The following ERBB3 variants were observed in gnomAD, a reference collection of about 807,000 sequenced individuals.
ERBB3 encodes receptor tyrosine-protein kinase erbB-3.
A neutral mutation model predicts 156.7 loss-of-function variants in ERBB3; 96 were observed. That is an observed-to-expected ratio of 0.61 (90% CI 0.52 to 0.73). The LOEUF (loss-of-function observed/expected upper bound fraction) is 0.73, where lower values mean the gene tolerates loss of function less well. Ranked by LOEUF, ERBB3 falls within the 30% of genes least tolerant of loss-of-function variation. ERBB3 has a pLI of 0.00. For synonymous variants in ERBB3, 567 were observed against 632.0 expected (o/e 0.90, Z 1.54); for missense variants, 1,406 against 1,709.4 (o/e 0.82, Z 3.13).
chr12:56,090,589 A>G (rs1363272305), intron 9 of ERBB3, among the ~76,000 whole-genome samples: 1 of 152,040 alleles, frequency 6.6e-6, no homozygotes, highest in African/African-American at 2.4e-5. Context: ...GGTTGCAGTG[A>G]GCCGAGATCG....
intron 3 of ERBB3, chr12:56,085,411 C>G: frequency 1.4e-6 from 2 of 1,435,460 alleles, no homozygotes; most frequent in Non-Finnish European, 1.8e-6. Context: ...GGGCTGGAGT[C>G]AGAGCTGGAT....
chr12:56,094,697 A>T, intron 15 of ERBB3, 141 bp downstream of exon 15: 1 of 1,008,118 alleles, frequency 9.9e-7, no homozygotes, highest in Non-Finnish European at 1.5e-6. Context: ...CACACCTGTA[A>T]TCCCAGCACT....
Position 56,101,917 on chromosome 12 carries a change from G to A in ERBB3, c.3891G>A (p.Gly1297=), listed in dbSNP as rs764254944. 4.3e-6 allele frequency: 7 copies of A among 1,613,258 alleles called. No individual in the cohort carries two copies. In the African/African-American group the frequency reaches 5.3e-5, roughly 12 times the overall value. The change falls in exon 28 of 28, where the codon GGG becomes GGA. Residue 1297 remains glycine, a synonymous_variant. Transcript: ENST00000267101. ...QGYEEMRAFQ[G]PGHQAPHVHY... is the part of the protein sequence containing the mutation. ...ATGAAGAGATGAGAGCTTTTCAGGGGCCTGGACATCAGGCCCCCCATGTCC... is the reference window on the plus strand; with the variant it reads ...ATGAAGAGATGAGAGCTTTTCAGGGACCTGGACATCAGGCCCCCCATGTCC...
chr12:56,082,954 G>C (rs1196587385), intron 1 of ERBB3, among the ~76,000 whole-genome samples: 2 of 152,232 alleles, frequency 1.3e-5, no homozygotes, highest in Non-Finnish European at 2.9e-5. Flanking sequence ...AAGTGATGCT[G>C]AGGTTGCTAG....
Position 56,099,634 on chromosome 12 carries a change from C to T in ERBB3, c.2840-14C>T. On this transcript the variant is annotated splice_polypyrimidine_tract_variant and intron_variant, in intron 23 of 27. Transcript: ENST00000267101. ...TTCTCTTTTATGTCTCTACCTCCTA[C>T]ATCTTATCTCCAGGTTGGATGATTG... is the stretch of plus-strand genomic sequence containing the variant. The T allele has an allele frequency of 1.2e-6, 2 of 1,607,296 alleles. No individual in the cohort carries two copies. Among genetic ancestry groups the T allele is most frequent in the Non-Finnish European group, 1.7e-6 (2 of 1,174,162 alleles).
chr12:56,087,136 C>CAA (rs33927060), intron 4 of ERBB3, among the ~76,000 whole-genome samples: 10,685 of 125,268 alleles, frequency 0.085, 506 homozygotes, highest in Middle Eastern at 0.12. Context: ...GACCCTGTCT[C>CAA]AAAAAAAAAA....
At chr12:56,095,565 C>T (rs1372300382) in intron 16 of ERBB3, 100 bp from the exon 17 acceptor site, 13 of 1,400,032 alleles carry the variant, frequency 9.3e-6, no homozygotes, top group African/African-American at 1.4e-5. Flanking sequence ...ATGTTAATTT[C>T]TTGCCCCAGG....
chr12:56,101,688 G>C lies in ERBB3; in HGVS notation c.3662G>C (p.Gly1221Ala). 2.5e-6 allele frequency: 4 copies of C among 1,613,998 alleles called. No homozygotes were observed. Among genetic ancestry groups the C allele is most frequent in the Non-Finnish European group, 3.4e-6 (4 of 1,180,008 alleles). The change falls in exon 28 of 28, where the codon GGT becomes GCT. Residue 1221 changes from glycine (G) to alanine (A), a missense_variant. Physicochemically the swap from Gly to Ala is moderately conservative, Grantham distance 60. Coordinates refer to ENST00000267101, the MANE Select transcript of ERBB3 (RefSeq NM_001982.4). ...PPRPSSLEEL[G>A]YEYMDVGSDL... ...AGGCCAAGTTCCCTTGAGGAGCTGGGTTATGAGTACATGGATGTGGGGTCA... is the reference window on the plus strand; with the variant it reads ...AGGCCAAGTTCCCTTGAGGAGCTGGCTTATGAGTACATGGATGTGGGGTCA...
intron 3 of ERBB3, chr12:56,085,406 G>A: frequency 1.4e-6 from 2 of 1,437,902 alleles, no homozygotes; most frequent in Non-Finnish European, 1.8e-6. Context: ...TTGTGGGGCT[G>A]GAGTCAGAGC....
At chr12:56,080,637 G>T (rs1445281361) in intron 1 of ERBB3, among the ~76,000 whole-genome samples, 1 of 152,224 alleles carries the variant, frequency 6.6e-6, no homozygotes, top group African/African-American at 2.4e-5. Flanking sequence ...CCCAGAAGAG[G>T]CTGAGGCCGA....
At chr12:56,095,542 G>GAT (rs1868862067) in intron 16 of ERBB3, 123 bp from the exon 17 acceptor site, 7 of 1,219,824 alleles carry the variant, frequency 5.7e-6, no homozygotes, top group Non-Finnish European at 3.6e-6. Context: ...AGTGCTTAAG[G>GAT]ATATATATGT....
At chr12:56,098,051 G>A in intron 21 of ERBB3, 111 bp downstream of exon 21, 1 of 1,078,390 alleles carries the variant, frequency 9.3e-7, no homozygotes, top group African/African-American at 1.6e-5. Context: ...AGTTCAAGGA[G>A]AGAAGGCTGC....
intron 23 of ERBB3, 61 bp from the exon 24 acceptor site, chr12:56,099,587 C>A: frequency 6.9e-7 from 1 of 1,447,288 alleles, no homozygotes; most frequent in Non-Finnish European, 9.7e-7. Flanking sequence ...GTGTGAGCCA[C>A]CGCGCCCGGC....
rs1869114218 is a variant in ERBB3, at chr12:56,101,741, C to G, written c.3715C>G (p.Gln1239Glu). 1 of 1,613,712 alleles carries G rather than the reference C, an allele frequency of 6.2e-7. No individual in the cohort carries two copies. Among genetic ancestry groups the G allele is most frequent in the Non-Finnish European group, 8.5e-7 (1 of 1,179,942 alleles). ...SDLSASLGST[Q>E]SCPLHPVPIM... Reference sequence around the variant, plus strand: ...CCTCAGTGCCTCTCTGGGCAGCACACAGAGTTGCCCACTCCACCCTGTACC... The same window carrying G: ...CCTCAGTGCCTCTCTGGGCAGCACAGAGAGTTGCCCACTCCACCCTGTACC... Residue 1239 changes from glutamine (Q) to glutamate (E), a missense_variant, in exon 28 of 28, where the codon CAG becomes GAG. Physicochemically the swap from Gln to Glu is conservative, Grantham distance 29. Transcript: ENST00000267101.
chr12:56,085,008 T>C lies in ERBB3; in HGVS notation c.248T>C (p.Val83Ala). Residue 83 changes from valine to alanine, a missense_variant, in exon 3 of 28, where the codon GTG becomes GCG. Val to Ala is a moderately conservative substitution (Grantham distance 64). Around this residue, in one of 3 missense-constraint regions of ERBB3, gnomAD observed 979 missense variants for 1,219.6 expected, o/e 0.80. Coordinates refer to ENST00000267101, the MANE Select transcript of ERBB3 (RefSeq NM_001982.4). The stretch of plus-strand genomic sequence containing the variant: ...GCTCTGTCACAGTGGATTCGAGAAG[T>C]GACAGGCTATGTCCTCGTGGCCATG... The part of the protein sequence containing the change: ...DLSFLQWIRE[V>A]TGYVLVAMNE... 6.2e-7 allele frequency: 1 copy of C among 1,614,174 alleles called. No individual in the cohort carries two copies. The highest frequency in any genetic ancestry group is 8.5e-7 in the Non-Finnish European group (1 of 1,180,010).
chr12:56,088,873 G>A lies in ERBB3; in HGVS notation c.1109+5G>A, dbSNP rs1868574505. The A allele has an allele frequency of 6.2e-6, 10 of 1,614,050 alleles. No individual in the cohort carries two copies. The highest frequency in any genetic ancestry group is 8.5e-6 in the Non-Finnish European group (10 of 1,179,992). On this transcript the variant is annotated splice_donor_5th_base_variant and intron_variant, in intron 9 of 27. Transcript: ENST00000267101. Reference sequence around the variant, plus strand: ...TCTGATCACCGGCCTCAATGGGTTAGAGATCCTGCCTTCCCTCCTTAGACC... The same window carrying A: ...TCTGATCACCGGCCTCAATGGGTTAAAGATCCTGCCTTCCCTCCTTAGACC...
chr12:56,080,919 G>C (rs1229970820), intron 1 of ERBB3, among the ~76,000 whole-genome samples: 1 of 152,226 alleles, frequency 6.6e-6, no homozygotes, highest in African/African-American at 2.4e-5. Context: ...GCCTGCCCTG[G>C]GGAGGTCTGA....
In ERBB3 at chr12:56,102,861, G is replaced by A. The variant is rs1309476963; in HGVS notation, c.*806G>A. 9.7e-6 allele frequency: 2 copies of A among 206,142 alleles called. No homozygotes were observed. The highest frequency in any genetic ancestry group is 4.8e-5 in the African/African-American group (2 of 41,338). The allele number at this position is 206,142 out of a possible 1,614,324, so 12.8% of individuals were successfully genotyped here. ...TTTAGAACTGGGTGCAGTGGCTCAT[G>A]CCTGTAATCCCAGCCAGCACTTTGG... On this transcript the variant is annotated 3_prime_UTR_variant, in exon 28 of 28. Transcript: ENST00000267101.
intron 19 of ERBB3, 25 bp downstream of exon 19, chr12:56,096,871 C>G (rs764987438): frequency 3.2e-6 from 5 of 1,549,310 alleles, no homozygotes; most frequent in Non-Finnish European, 4.5e-6. Context: ...TTCTGTATGC[C>G]GCTAGGAGAG....
Sources: gnomAD v4.1 joint callset for allele counts (sites outside exome capture counted in the v4.1 genomes callset) on GRCh38, gnomAD v4.1.1 for gene constraint, gnomAD v4.1.1 regional missense constraint, MANE v1.5 for transcripts, NCBI Gene and HGNC (gene_info 2026-07-23, HGNC 2026-07-21) for gene names.